Variants in NTRK3 observed in about 807,000 individuals in gnomAD.
The protein encoded by NTRK3 is NT-3 growth factor receptor.
In NTRK3, 24 loss-of-function variants were observed where a neutral mutation model predicts 91.7. The ratio of observed to expected loss-of-function variants is 0.26; its 90% CI spans 0.19 to 0.37. The LOEUF (loss-of-function observed/expected upper bound fraction) is 0.37, where lower values mean the gene tolerates loss of function less well. Ranked by LOEUF, NTRK3 falls within the 10% of genes least tolerant of loss-of-function variation. The pLI, the probability that NTRK3 is intolerant of heterozygous loss-of-function variation, is 1.00. For synonymous variants in NTRK3, 483 were observed against 404.0 expected (o/e 1.20, Z -2.34); for missense variants, 880 against 1,068.9 (o/e 0.82, Z 2.46).
chr15:88,194,885 G>T (rs111289185), intron 3 of NTRK3, among the ~76,000 whole-genome samples: 1 of 151,992 alleles, frequency 6.6e-6, no homozygotes, highest in Non-Finnish European at 1.5e-5. Flanking sequence ...CAGGACCTTC[G>T]CATTTATTTT....
At chr15:87,973,582 T>C (rs962964788) in intron 14 of NTRK3, among the ~76,000 whole-genome samples, 4 of 152,114 alleles carry the variant, frequency 2.6e-5, no homozygotes, top group African/African-American at 7.2e-5. Flanking sequence ...GAACCAGAGC[T>C]ATCCAAGGAA....
At chr15:88,027,625 C>A (rs4887347) in intron 14 of NTRK3, among the ~76,000 whole-genome samples, 72,496 of 151,864 alleles carry the variant, frequency 0.48, 18,539 homozygotes, top group African/African-American at 0.67. Context: ...CTCGTGATCC[C>A]CCCGCCTCGG....
intron 17 of NTRK3, among the ~76,000 whole-genome samples, chr15:87,917,283 C>G (rs1398538458): frequency 6.6e-6 from 1 of 152,152 alleles, no homozygotes; most frequent in Admixed American, 6.5e-5. Context: ...CTGAAAATAG[C>G]TTCCCTCTCC....
intron 17 of NTRK3, among the ~76,000 whole-genome samples, chr15:87,905,327 T>C (rs114378265): frequency 0.011 from 1,610 of 152,288 alleles, 31 homozygotes; most frequent in African/African-American, 0.037. Context: ...GAGAGGGTTA[T>C]TGGCATCCCA....
chr15:88,103,041 T>C (rs1426576459), intron 13 of NTRK3, among the ~76,000 whole-genome samples: 1 of 152,198 alleles, frequency 6.6e-6, no homozygotes, highest in Non-Finnish European at 1.5e-5. Context: ...TACAATAACC[T>C]GTGTTACAGA....
chr15:87,926,878 C>T (rs1430136281), intron 17 of NTRK3: 1 of 152,144 alleles, frequency 6.6e-6, no homozygotes, highest in Non-Finnish European at 1.5e-5. Context: ...TTTTCATCAA[C>T]ACCTACATAG....
chr15:88,223,229 T>C (rs539143008), intron 3 of NTRK3, among the ~76,000 whole-genome samples: 1 of 152,224 alleles, frequency 6.6e-6, no homozygotes, highest in Non-Finnish European at 1.5e-5. Flanking sequence ...GGAATGTCCT[T>C]GACCAGCCGG....
chr15:87,919,777 G>C (rs1030799163), intron 17 of NTRK3, among the ~76,000 whole-genome samples: 1 of 152,172 alleles, frequency 6.6e-6, no homozygotes, highest in East Asian at 1.9e-4. Context: ...CTAGATCCAG[G>C]TAATGTAGAA....
At chr15:88,134,655 G>T (rs1256821008) in intron 10 of NTRK3, among the ~76,000 whole-genome samples, 1 of 152,200 alleles carries the variant, frequency 6.6e-6, no homozygotes, top group African/African-American at 2.4e-5. Context: ...ACCATCATCA[G>T]GTGTCAAACC....
exon 19 of NTRK3, chr15:87,874,438 C>T (rs2064897985): frequency 4.3e-6 from 1 of 230,948 alleles, no homozygotes; most frequent in African/African-American, 2.2e-5. Context: ...AAGGAATCAC[C>T]TTCTTTCATT....
At chr15:87,865,931 G>A (rs1324687937) in exon 19 of NTRK3, 1 of 230,704 alleles carries the variant, frequency 4.3e-6, no homozygotes. Context: ...AAAAATTTAG[G>A]GAAGATATGC....
intron 13 of NTRK3, among the ~76,000 whole-genome samples, chr15:88,073,721 GC>G (rs1224265228): frequency 6.6e-6 from 1 of 152,114 alleles, no homozygotes; most frequent in Non-Finnish European, 1.5e-5. Flanking sequence ...AGAGAAGAAG[GC>G]AAGAGAGAAA....
At chr15:88,063,121 G>T (rs1041324092) in intron 13 of NTRK3, among the ~76,000 whole-genome samples, 1 of 152,194 alleles carries the variant, frequency 6.6e-6, no homozygotes, top group Non-Finnish European at 1.5e-5. Flanking sequence ...TAAACCTGGG[G>T]TGCAACTCCC....
chr15:88,133,658 A>C (rs2151177670), intron 10 of NTRK3, among the ~76,000 whole-genome samples: 1 of 152,302 alleles, frequency 6.6e-6, no homozygotes, highest in African/African-American at 2.4e-5. Flanking sequence ...TAAGAGCAAA[A>C]TATCTCTGCT....
At chr15:87,869,303 C>G (rs1410329065) in exon 19 of NTRK3, 1 of 230,388 alleles carries the variant, frequency 4.3e-6, no homozygotes, top group Non-Finnish European at 8.6e-6. Context: ...TGAGGGTGGG[C>G]CACCACGGGT....
At chr15:88,247,149 C>T (rs924889283) in intron 3 of NTRK3, among the ~76,000 whole-genome samples, 2 of 152,214 alleles carry the variant, frequency 1.3e-5, no homozygotes, top group Non-Finnish European at 2.9e-5. Flanking sequence ...CCCTGTTTCC[C>T]GCGGCAGGTA....
At chr15:88,069,018 T>C (rs1414316836) in intron 13 of NTRK3, among the ~76,000 whole-genome samples, 3 of 152,118 alleles carry the variant, frequency 2.0e-5, no homozygotes, top group East Asian at 3.8e-4. Flanking sequence ...GAACTGGCTA[T>C]TATGGGGCTG....
intron 13 of NTRK3, among the ~76,000 whole-genome samples, chr15:88,060,249 T>C (rs1274655156): frequency 2.6e-5 from 4 of 152,078 alleles, no homozygotes; most frequent in Admixed American, 6.6e-5. Flanking sequence ...CCAGGCATGG[T>C]GGCAGTTGCC....
rs1356917905 is a variant in NTRK3 at position 88,099,314 on chromosome 15, A to C, written c.1396+26957T>G. On this transcript the variant is annotated intron_variant, in intron 13 of 18. Transcript: ENST00000394480. The stretch of plus-strand genomic sequence containing the variant: ...AGGAAAACATGGTCCAGCTGATGAA[A>C]AGAAAAAAGATGATTTGGAGAAGGA... 1.4e-5 allele frequency: 3 copies of C among 213,220 alleles called. No homozygotes were observed. The Admixed American group carries it at 1.8e-4, about 12-fold the overall frequency. 13.2% of individuals were successfully genotyped at this position (213,220 alleles called of 1,614,324 possible). A position where few individuals can be genotyped will look rare whatever the true frequency, so the allele number is the denominator to read the frequency against.
Sources: allele counts gnomAD v4.1 joint callset (sites outside exome capture counted in the v4.1 genomes callset), GRCh38; gene constraint gnomAD v4.1.1; transcripts MANE v1.5; gene names NCBI Gene and HGNC (gene_info 2026-07-23, HGNC 2026-07-21).